The following DAAM2 variants were observed in gnomAD, a reference collection of about 807,000 sequenced individuals.
DAAM2 encodes disheveled-associated activator of morphogenesis 2.
A neutral mutation model predicts 120.7 loss-of-function variants in DAAM2; 39 were observed. That is an observed-to-expected ratio of 0.32 (90% CI 0.25 to 0.42). The LOEUF is 0.42. DAAM2 is among the 10% of genes least tolerant of loss of function. The pLI is 1.00. For missense variants in DAAM2, 1,283 were observed against 1,401.7 expected (o/e 0.92, Z 1.35); for synonymous variants, 488 against 524.9 (o/e 0.93, Z 0.96).
intron 19 of DAAM2, among the ~76,000 whole-genome samples, chr6:39,895,218 C>CTTTA (rs1243055930): frequency 2.2e-5 from 2 of 90,354 alleles, no homozygotes; most frequent in South Asian, 4.5e-4. Flanking sequence ...ATTTTTACAA[C>CTTTA]TTTATTTACT....
intron 8 of DAAM2, among the ~76,000 whole-genome samples, chr6:39,870,845 A>G (rs1224190043): frequency 6.6e-6 from 1 of 152,230 alleles, no homozygotes; most frequent in Non-Finnish European, 1.5e-5. Flanking sequence ...AATGCTTGCT[A>G]TAACGCCCTT....
intron 1 of DAAM2, among the ~76,000 whole-genome samples, chr6:39,855,521 CA>C (rs1763964275): frequency 6.6e-6 from 1 of 152,198 alleles, no homozygotes; most frequent in African/African-American, 2.4e-5. Context: ...TTCCAATGAT[CA>C]GTCCTATTTC....
rs1265056284 is a variant in DAAM2, at chr6:39,860,976, C to T, written c.217C>T (p.Pro73Ser). The stretch of plus-strand genomic sequence containing the variant: ...AAACCGAGAGGCTATGTTTGCACTG[C>T]CCCCTGAGAAGAAATGGCAGATCTA... Reference protein sequence around the residue: ...DKNREAMFALPPEKKWQIYCS... With the variant: ...DKNREAMFALSPEKKWQIYCS... The change falls in exon 3 of 25, where the codon CCC (proline) becomes TCC (serine). Residue 73 changes from proline (P) to serine (S), a missense_variant. By Grantham distance (74) the Pro-to-Ser change is moderately conservative (BLOSUM62 -1). Coordinates refer to ENST00000274867, the MANE Select transcript of DAAM2 (RefSeq NM_001201427.2). 1.2e-6 allele frequency: 2 copies of T among 1,612,956 alleles called. No individual in the cohort carries two copies. The highest frequency in any genetic ancestry group is 2.7e-5 in the African/African-American group (2 of 74,878).
chr6:39,816,416 G>T (rs1441544565), intron 1 of DAAM2, among the ~76,000 whole-genome samples: 3 of 152,136 alleles, frequency 2.0e-5, no homozygotes, highest in Non-Finnish European at 4.4e-5. Flanking sequence ...TGGTTGTGGG[G>T]GGGCTATCTT....
At chr6:39,884,438 C>T (rs1334616277) in intron 15 of DAAM2, 1 of 183,470 alleles carries the variant, frequency 5.5e-6, no homozygotes, top group Non-Finnish European at 1.1e-5. Flanking sequence ...CACTGTGGAC[C>T]CTTGCTGTCT....
Position 39,901,199 on chromosome 6 carries a change from C to A in DAAM2, c.2812-103C>A, listed in dbSNP as rs1369687296. 15 of 1,058,836 alleles carry A rather than the reference C, an allele frequency of 1.4e-5. No individual in the cohort carries two copies. The highest frequency in any genetic ancestry group is 2.1e-5 in the Non-Finnish European group (15 of 714,926). 65.6% of individuals were successfully genotyped at this position (1,058,836 alleles called of 1,614,324 possible). A position where few individuals can be genotyped will look rare whatever the true frequency, so the allele number is the denominator to read the frequency against. ...TGCCCCCTGTGCCAACAGTCCCCAG[C>A]CTTGCGCTGGGCTCTGCTCTGGCTA... On this transcript the variant is annotated intron_variant, in intron 23 of 24. Coordinates refer to ENST00000274867, the MANE Select transcript of DAAM2 (RefSeq NM_001201427.2). This position sits in a 1 kb window ranked among gnomAD's most constrained non-coding sequence, Gnocchi z 4.5.
intron 19 of DAAM2, 167 bp downstream of exon 19, chr6:39,891,889 T>C: frequency 4.8e-6 from 3 of 623,866 alleles, no homozygotes; most frequent in Non-Finnish European, 8.5e-6. Flanking sequence ...ATTATAAAAA[T>C]ATGCACTTGC....
At chr6:39,795,090 A>T (rs1761661676) in intron 1 of DAAM2, among the ~76,000 whole-genome samples, 3 of 152,148 alleles carry the variant, frequency 2.0e-5, no homozygotes, top group Admixed American at 6.5e-5. Flanking sequence ...GCCGGGATGA[A>T]TTCCCAGGCC....
Position 39,886,251 on chromosome 6 carries a change from G to A in DAAM2, c.1954-1235G>A, listed in dbSNP as rs535758462. 13 of 396,190 alleles carry A rather than the reference G, an allele frequency of 3.3e-5. No individual in the cohort carries two copies. The South Asian group carries it at 1.9e-3, about 57-fold the overall frequency. 24.5% of individuals were successfully genotyped at this position (396,190 alleles called of 1,614,324 possible). On this transcript the variant is annotated intron_variant, in intron 15 of 24. Coordinates refer to ENST00000274867, the MANE Select transcript of DAAM2 (RefSeq NM_001201427.2). ...TGCATGTCTGCTAGAAGCAGCTCCT[G>A]TCTAGTGCCACTTATGGGTGCCTGT...
At chr6:39,827,600 G>A (rs1240625774) in intron 1 of DAAM2, among the ~76,000 whole-genome samples, 2 of 152,094 alleles carry the variant, frequency 1.3e-5, no homozygotes, top group Non-Finnish European at 2.9e-5. Flanking sequence ...TAGGATGCAG[G>A]GGCCTGGGCT....
intron 1 of DAAM2, chr6:39,856,041 A>G: frequency 5.1e-6 from 5 of 982,288 alleles, no homozygotes; most frequent in Non-Finnish European, 6.0e-6. Context: ...GGTGGGGAGG[A>G]TATGTAAATG....
At chr6:39,840,290 C>T (rs548786644) in intron 1 of DAAM2, among the ~76,000 whole-genome samples, 1 of 152,334 alleles carries the variant, frequency 6.6e-6, no homozygotes, top group African/African-American at 2.4e-5. Context: ...AATCCTGGCT[C>T]AGTCAGTTTT....
At chr6:39,833,974 A>G (rs1025687401) in intron 1 of DAAM2, among the ~76,000 whole-genome samples, 11 of 152,174 alleles carry the variant, frequency 7.2e-5, no homozygotes, top group Admixed American at 7.2e-4. Flanking sequence ...AGAGAAGTCA[A>G]GCAACTTTCC....
chr6:39,871,595 C>G (rs951981788), intron 9 of DAAM2, 23 bp downstream of exon 9: 7 of 1,545,674 alleles, frequency 4.5e-6, no homozygotes, highest in Middle Eastern at 2.2e-4. Context: ...CAGGGTGGAG[C>G]GATTGCAATG....
chr6:39,891,457 T>G lies in DAAM2; in HGVS notation c.2252+10T>G. ...TCTATGAAATGAGCAGGTTGGGCCA[T>G]GGGCATGGTGGGGATTCAAGCAGGT... On this transcript the variant is annotated intron_variant, in intron 18 of 24. Transcript: ENST00000274867. 6.3e-7 allele frequency: 1 copy of G among 1,595,442 alleles called. No individual in the cohort carries two copies. The highest frequency in any genetic ancestry group is 8.5e-7 in the Non-Finnish European group (1 of 1,169,594).
intron 1 of DAAM2, among the ~76,000 whole-genome samples, chr6:39,814,365 T>TA (rs1358740577): frequency 6.6e-6 from 1 of 152,170 alleles, no homozygotes; most frequent in Non-Finnish European, 1.5e-5. Flanking sequence ...CTATGTGAGT[T>TA]GGGAGCAGTA....
intron 1 of DAAM2, among the ~76,000 whole-genome samples, chr6:39,844,985 C>A (rs1384644148): frequency 6.9e-6 from 1 of 145,058 alleles, no homozygotes; most frequent in Admixed American, 6.9e-5. Context: ...AACCCCATCA[C>A]ACACACTACA....
intron 19 of DAAM2, 66 bp from the exon 20 acceptor site, chr6:39,896,746 G>T: frequency 7.2e-7 from 1 of 1,388,540 alleles, no homozygotes. Context: ...CATCTTCCTG[G>T]GGTGCAATGA....
Position 39,901,933 on chromosome 6 carries a change from G to C in DAAM2, c.3103G>C (p.Val1035Leu), listed in dbSNP as rs752595095. 15 of 1,611,858 alleles carry C rather than the reference G, an allele frequency of 9.3e-6. No homozygotes were observed. The highest frequency in any genetic ancestry group is 1.7e-4 in the Middle Eastern group (1 of 6,054). The change falls in exon 25 of 25, where the codon GTC becomes CTC. Residue 1035 changes from valine (V) to leucine (L), a missense_variant. Val to Leu is a conservative substitution (Grantham distance 32). This residue lies in a region of DAAM2 where 748 missense variants were observed against 768.6 expected (regional missense o/e 0.97). Transcript: ENST00000274867. This position sits in a 1 kb window ranked among gnomAD's most constrained non-coding sequence, Gnocchi z 4.5. ...DLVSALRSGE[V>L]FDKDLCKLKR... ...GGTGTCGGCCCTGCGCTCTGGGGAG[G>C]TCTTCGACAAGGACTTATGCAAGCT...
Sources: gnomAD v4.1 joint callset for allele counts (sites outside exome capture counted in the v4.1 genomes callset) on GRCh38, gnomAD v4.1.1 for gene constraint, gnomAD v4.1.1 regional missense constraint, Gnocchi (gnomAD v3.1) non-coding constraint, MANE v1.5 for transcripts, NCBI Gene and HGNC (gene_info 2026-07-23, HGNC 2026-07-21) for gene names.